TTC6: variants seen among roughly 807,000 people sequenced by gnomAD.
The protein encoded by TTC6 is tetratricopeptide repeat domain 6.
In TTC6, 172 loss-of-function variants were observed where a neutral mutation model predicts 210.4. The observed-to-expected ratio is 0.82, with a 90% CI of 0.72 to 0.93. The LOEUF (loss-of-function observed/expected upper bound fraction) is 0.93. Among genes scored for constraint, TTC6 ranks in the 40% least tolerant of loss-of-function variants. The probability of loss-of-function intolerance (pLI) is 0.00; values close to 1 mark genes in which losing one functional copy is unlikely to be tolerated. For missense variants in TTC6, 2,414 were observed against 2,318.1 expected (o/e 1.04, Z -0.85); for synonymous variants, 804 against 819.6 (o/e 0.98, Z 0.32).
intron 1 of TTC6, among the ~76,000 whole-genome samples, chr14:37,643,638 T>A (rs2095696368): frequency 6.6e-6 from 1 of 152,174 alleles, no homozygotes; most frequent in Non-Finnish European, 1.5e-5. Flanking sequence ...GCCTATCTTT[T>A]TTAGACCTCA....
At chr14:37,648,427 C>T (rs980812748) in intron 1 of TTC6, among the ~76,000 whole-genome samples, 7 of 152,074 alleles carry the variant, frequency 4.6e-5, no homozygotes, top group Non-Finnish European at 1.5e-5. Context: ...GAAAAATGTT[C>T]TAGGTTACAG....
chr14:37,744,677 T>C (rs1286982602), intron 10 of TTC6, among the ~76,000 whole-genome samples: 3 of 152,144 alleles, frequency 2.0e-5, no homozygotes. Flanking sequence ...CAAGAAATCA[T>C]TGTGGACTTG....
intron 27 of TTC6, among the ~76,000 whole-genome samples, chr14:37,825,152 T>A (rs976600642): frequency 2.0e-5 from 3 of 152,146 alleles, no homozygotes; most frequent in Admixed American, 1.3e-4. Context: ...CCCTTACTAT[T>A]TGCCTAGCAC....
chr14:37,708,243 T>G (rs142616774), intron 5 of TTC6, among the ~76,000 whole-genome samples: 1 of 152,002 alleles, frequency 6.6e-6, no homozygotes, highest in Non-Finnish European at 1.5e-5. Context: ...CTACTAATGA[T>G]AGCTTACAAA....
chr14:37,806,333 T>C (rs1273155627), intron 21 of TTC6, 28 bp from the exon 24 acceptor site: 42 of 1,524,052 alleles, frequency 2.8e-5, no homozygotes, highest in Non-Finnish European at 3.3e-5. Context: ...CACTAAATGG[T>C]TTGCATTTTG....
At chr14:37,828,056 T>C (rs914703540) in intron 29 of TTC6, among the ~76,000 whole-genome samples, 1 of 152,038 alleles carries the variant, frequency 6.6e-6, no homozygotes, top group African/African-American at 2.4e-5. Context: ...CCTTAATTTA[T>C]ACTTTTTCCA....
chr14:37,754,038 C>A (rs1234990111), intron 14 of TTC6, among the ~76,000 whole-genome samples: 1 of 151,994 alleles, frequency 6.6e-6, no homozygotes, highest in Non-Finnish European at 1.5e-5. Flanking sequence ...GTCTACTGAT[C>A]TTTTCAGTTG....
chr14:37,798,354 GT>G (rs899740253), intron 20 of TTC6, among the ~76,000 whole-genome samples: 2 of 149,906 alleles, frequency 1.3e-5, no homozygotes, highest in Admixed American at 6.7e-5. Context: ...TAGTTTTCCA[GT>G]TTTTTTTCAT....
At chr14:37,638,426 T>A (rs2095685165) in intron 1 of TTC6, among the ~76,000 whole-genome samples, 1 of 152,038 alleles carries the variant, frequency 6.6e-6, no homozygotes, top group South Asian at 2.1e-4. Flanking sequence ...GGCTAATTTT[T>A]ATATTTTTAG....
chr14:37,777,893 G>C (rs1381529323), intron 14 of TTC6, among the ~76,000 whole-genome samples: 3 of 151,792 alleles, frequency 2.0e-5, no homozygotes, highest in Non-Finnish European at 4.4e-5. Context: ...CTAAGTCTTA[G>C]CTCAGCACTC....
chr14:37,650,691 A>C (rs1426049277), intron 1 of TTC6, among the ~76,000 whole-genome samples: 3 of 152,202 alleles, frequency 2.0e-5, no homozygotes, highest in Non-Finnish European at 2.9e-5. Context: ...CACACTGGAT[A>C]GGTGAATAAT....
At chr14:37,721,509 G>A (rs774534395) in intron 6 of TTC6, among the ~76,000 whole-genome samples, 18 of 151,926 alleles carry the variant, frequency 1.2e-4, no homozygotes, top group Non-Finnish European at 2.2e-4. Flanking sequence ...AAATACACTC[G>A]GGTGTTTTAT....
intron 2 of TTC6, among the ~76,000 whole-genome samples, chr14:37,614,172 A>AT (rs1266359543): frequency 6.6e-6 from 1 of 152,078 alleles, no homozygotes; most frequent in Non-Finnish European, 1.5e-5. Context: ...AGTCTAAAAT[A>AT]TTTTTTAAGA....
intron 1 of TTC6, among the ~76,000 whole-genome samples, chr14:37,666,904 G>GA (rs902405984): frequency 4.7e-5 from 7 of 149,480 alleles, no homozygotes; most frequent in African/African-American, 1.5e-4. Context: ...TAAAAATACT[G>GA]AAAAAAAATT....
At chr14:37,629,866 A>T (rs1338068580) in intron 1 of TTC6, among the ~76,000 whole-genome samples, 3 of 152,144 alleles carry the variant, frequency 2.0e-5, no homozygotes, top group Non-Finnish European at 2.9e-5. Context: ...TGAGATAATC[A>T]TGTGGTTTTT....
At chr14:37,781,687 G>A (rs547394604) in intron 14 of TTC6, among the ~76,000 whole-genome samples, 12 of 152,150 alleles carry the variant, frequency 7.9e-5, no homozygotes, top group South Asian at 4.1e-4. Flanking sequence ...TGTTTTAGAC[G>A]TGAAATCCTT....
At chr14:37,837,343 T>C (rs1307091269) in intron 29 of TTC6, 1 of 448,940 alleles carries the variant, frequency 2.2e-6, no homozygotes, top group African/African-American at 2.0e-5. Flanking sequence ...TGGCCTGGCT[T>C]GGAGTCTTTC....
intron 29 of TTC6, among the ~76,000 whole-genome samples, chr14:37,834,128 T>C (rs1003623711): frequency 3.3e-5 from 5 of 152,194 alleles, no homozygotes; most frequent in Admixed American, 6.5e-5. Flanking sequence ...TCTCTTTGTC[T>C]TAGACTTTTG....
At chr14:37,771,219 G>C (rs1041548642) in intron 14 of TTC6, among the ~76,000 whole-genome samples, 5 of 152,214 alleles carry the variant, frequency 3.3e-5, no homozygotes, top group South Asian at 2.1e-4. Flanking sequence ...CGACCTTTCT[G>C]TCTGGCTGCA....
Sources: allele counts gnomAD v4.1 joint callset (sites outside exome capture counted in the v4.1 genomes callset), GRCh38; gene constraint gnomAD v4.1.1; transcripts MANE v1.5; gene names NCBI Gene and HGNC (gene_info 2026-07-23, HGNC 2026-07-21).